The following UGGT2 variants were observed in gnomAD, a reference collection of about 807,000 sequenced individuals.
UGGT2 encodes UDP-glucose glycoprotein glucosyltransferase 2.
A neutral mutation model predicts 192.1 loss-of-function variants in UGGT2; 180 were observed. The ratio of observed to expected loss-of-function variants is 0.94; its 90% CI spans 0.83 to 1.06. The LOEUF (loss-of-function observed/expected upper bound fraction) is 1.06. Ranked by LOEUF, UGGT2 falls within the 50% of genes least tolerant of loss-of-function variation. The pLI is 0.00. For synonymous variants in UGGT2, 580 were observed against 591.0 expected (o/e 0.98, Z 0.27); for missense variants, 1,849 against 1,795.7 (o/e 1.03, Z -0.54).
At chr13:95,946,403 C>T (rs1256361509) in intron 15 of UGGT2, among the ~76,000 whole-genome samples, 2 of 152,228 alleles carry the variant, frequency 1.3e-5, no homozygotes, top group African/African-American at 2.4e-5. Context: ...CAGGCTCTCT[C>T]CATTGCCTGG....
chr13:95,884,719 C>G (rs542101943), intron 26 of UGGT2, 39 bp from the exon 27 acceptor site: 1 of 1,529,340 alleles, frequency 6.5e-7, no homozygotes, highest in South Asian at 1.3e-5. Flanking sequence ...GTGACCAAAA[C>G]TGAGATTTTT....
intron 20 of UGGT2, among the ~76,000 whole-genome samples, chr13:95,918,996 A>G (rs953376827): frequency 3.3e-5 from 5 of 152,188 alleles, no homozygotes; most frequent in African/African-American, 1.2e-4. Flanking sequence ...AACCAAATTC[A>G]GCAGCACATA....
chr13:95,828,348 C>T (rs572942564), intron 38 of UGGT2, among the ~76,000 whole-genome samples: 2 of 152,056 alleles, frequency 1.3e-5, no homozygotes, highest in African/African-American at 4.8e-5. Flanking sequence ...GACAGAGACA[C>T]AAAAAACCCT....
chr13:95,826,733 A>AACT (rs1886083991), intron 38 of UGGT2, among the ~76,000 whole-genome samples: 1 of 152,144 alleles, frequency 6.6e-6, no homozygotes, highest in African/African-American at 2.4e-5. Context: ...CTGAGACAGT[A>AACT]GTTTCCATGA....
chr13:95,863,622 T>C lies in UGGT2; in HGVS notation c.3644+7A>G. 6.3e-7 allele frequency: 1 copy of C among 1,586,530 alleles called. No homozygotes were observed. Among genetic ancestry groups the C allele is most frequent in the African/African-American group, 1.3e-5 (1 of 74,436 alleles). On this transcript the variant is annotated splice_region_variant and intron_variant, in intron 31 of 38. Transcript: ENST00000376747. ...AGTGATGTATTAAAATATTCATTAG[T>C]AATTACCTTTTAATGGAATCCCACA...
At chr13:95,955,016 C>T (rs575550828) in intron 12 of UGGT2, among the ~76,000 whole-genome samples, 1 of 152,170 alleles carries the variant, frequency 6.6e-6, no homozygotes, top group East Asian at 1.9e-4. Context: ...CGATGTCTTA[C>T]AAGAAAGTAG....
In UGGT2 at chr13:95,959,266, G is replaced by T. The variant is rs571749544; in HGVS notation, c.1336-9812C>A. 3.9e-5 allele frequency among the ~76,000 whole-genome samples: 6 copies of T among 152,250 alleles called. No homozygotes were observed. The South Asian group carries it at 1.2e-3, about 32-fold the overall frequency. On this transcript the variant is annotated intron_variant, in intron 12 of 38. Coordinates refer to ENST00000376747, the MANE Select transcript of UGGT2 (RefSeq NM_020121.4). ...AAACTGTGTGTGTGTGTTTTGGGGT[G>T]GGGGGACATAGGATGAGCAAAGCAT... is the stretch of plus-strand genomic sequence containing the variant.
At position 95,959,935 on chromosome 13, in the gene UGGT2, C is replaced by T. The variant is rs1196063970; in HGVS notation, c.1335+10177G>A. On this transcript the variant is annotated intron_variant, in intron 12 of 38. Coordinates refer to ENST00000376747, the MANE Select transcript of UGGT2 (RefSeq NM_020121.4). The stretch of plus-strand genomic sequence containing the variant: ...ACTGGTGTCCCACATTTCAGCAAAA[C>T]TTCATCACAGCCTCCACTAGCAACT... 3.9e-5 allele frequency among the ~76,000 whole-genome samples: 6 copies of T among 152,314 alleles called. No individual in the cohort carries two copies. In the East Asian group the frequency reaches 1.2e-3, roughly 29 times the overall value.
At position 95,947,116 on chromosome 13, in the gene UGGT2, G is replaced by T; in HGVS notation, c.1598C>A (p.Ala533Asp). The T allele has an allele frequency of 6.2e-7, 1 of 1,611,326 alleles. No individual in the cohort carries two copies. The highest frequency in any genetic ancestry group is 8.5e-7 in the Non-Finnish European group (1 of 1,179,216). The change falls in exon 15 of 39, where the codon GCT becomes GAT. Residue 533 changes from alanine (A) to aspartate (D), a missense_variant. Ala to Asp is a moderately radical substitution (Grantham distance 126). Coordinates refer to ENST00000376747, the MANE Select transcript of UGGT2 (RefSeq NM_020121.4). ...TDDEVDGAND[A>D]GVALWRAFNY... ...GAAAGCTCGCCAGAGAGCAACTCCAGCATCATTTGCTCCATCAACTTCATC... is the reference window on the plus strand; with the variant it reads ...GAAAGCTCGCCAGAGAGCAACTCCATCATCATTTGCTCCATCAACTTCATC...
chr13:95,866,112 C>G (rs1382841444), intron 30 of UGGT2, among the ~76,000 whole-genome samples: 4 of 151,776 alleles, frequency 2.6e-5, no homozygotes, highest in East Asian at 3.9e-4. Context: ...TATACTTTTT[C>G]TGGCCTATCT....
intron 38 of UGGT2, among the ~76,000 whole-genome samples, chr13:95,805,924 A>G (rs373710729): frequency 4.3e-4 from 66 of 152,098 alleles, no homozygotes; most frequent in African/African-American, 1.6e-3. Flanking sequence ...GATTTTTTTA[A>G]CCACAATGAA....
At chr13:96,050,845 AG>A (rs1472891143) in intron 1 of UGGT2, among the ~76,000 whole-genome samples, 1 of 152,218 alleles carries the variant, frequency 6.6e-6, no homozygotes, top group Non-Finnish European at 1.5e-5. Context: ...GGTGCTGGAG[AG>A]GATGTGGAGA....
intron 36 of UGGT2, among the ~76,000 whole-genome samples, chr13:95,846,370 C>T (rs140209186): frequency 0.01 from 1,454 of 142,424 alleles, 28 homozygotes; most frequent in African/African-American, 0.036. Flanking sequence ...GCCAAGATGG[C>T]GGCAGTACAG....
At chr13:96,013,834 A>T (rs112898719) in intron 4 of UGGT2, among the ~76,000 whole-genome samples, 2,515 of 152,212 alleles carry the variant, frequency 0.017, 46 homozygotes, top group Non-Finnish European at 0.028. Flanking sequence ...ACAAGGTATA[A>T]ATATTTAAGG....
At chr13:95,960,693 G>C (rs2050362149) in intron 12 of UGGT2, among the ~76,000 whole-genome samples, 1 of 152,140 alleles carries the variant, frequency 6.6e-6, no homozygotes, top group Non-Finnish European at 1.5e-5. Context: ...AGGAGGCACA[G>C]AGATTCCCAA....
intron 4 of UGGT2, among the ~76,000 whole-genome samples, chr13:96,018,962 T>G (rs529669546): frequency 4.3e-4 from 65 of 151,504 alleles, no homozygotes; most frequent in Middle Eastern, 6.8e-3. Context: ...AAAATTAAAA[T>G]ATTTATATTA....
chr13:95,971,040 G>C (rs1038758916), intron 11 of UGGT2, among the ~76,000 whole-genome samples: 4 of 152,132 alleles, frequency 2.6e-5, no homozygotes, highest in African/African-American at 9.7e-5. Flanking sequence ...AACCAATGCT[G>C]ATCTAATCCT....
chr13:95,910,588 G>A (rs898968366), intron 20 of UGGT2, among the ~76,000 whole-genome samples: 2 of 152,144 alleles, frequency 1.3e-5, no homozygotes, highest in South Asian at 2.1e-4. Context: ...GATTCATAAA[G>A]CAAGTCCTCA....
At chr13:95,809,966 T>C (rs992629975) in intron 38 of UGGT2, among the ~76,000 whole-genome samples, 1 of 152,202 alleles carries the variant, frequency 6.6e-6, no homozygotes, top group African/African-American at 2.4e-5. Context: ...GATAAATAGG[T>C]ATTTTGCAAG....
Sources: gnomAD v4.1 joint callset for allele counts (sites outside exome capture counted in the v4.1 genomes callset) on GRCh38, gnomAD v4.1.1 for gene constraint, MANE v1.5 for transcripts, NCBI Gene and HGNC (gene_info 2026-07-23, HGNC 2026-07-21) for gene names.